SOX21: variants seen among roughly 807,000 people sequenced by gnomAD.
SOX21 encodes the protein SRY-box transcription factor 21, also known as transcription factor SOX-21.
For synonymous variants in SOX21, 237 were observed against 189.7 expected, an observed-to-expected ratio of 1.25 and a Z score of -2.05; for missense variants, 370 against 388.8, an observed-to-expected ratio of 0.95 and a Z score of 0.41.
chr13:94,712,001 C>T lies in SOX21; in HGVS notation c.49G>A (p.Val17Met). 6.2e-7 allele frequency: 1 copy of T among 1,614,004 alleles called. No homozygotes were observed. Among genetic ancestry groups the T allele is most frequent in the Non-Finnish European group, 8.5e-7 (1 of 1,179,948 alleles). Residue 17 changes from valine (V) to methionine (M), a missense_variant, in exon 1 of 1, where the codon GTG becomes ATG. Transcript: ENST00000376945. The surrounding 1 kb of genome is among the most constrained non-coding windows in gnomAD (Gnocchi z 5.0). ...HVKRPMNAFMVWSRAQRRKMA... is the reference protein window; with the variant it reads ...HVKRPMNAFMMWSRAQRRKMA... ...TTGCGCCGCTGAGCCCGCGACCACA[C>T]CATGAAGGCGTTCATGGGCCGCTTG... is the stretch of plus-strand genomic sequence containing the variant.
At position 94,710,541 on chromosome 13, in the gene SOX21, C is replaced by G. The variant is rs1466845944; in HGVS notation, c.*678G>C. 6.6e-6 allele frequency: 1 copy of G among 152,120 alleles called. No individual in the cohort carries two copies. Among genetic ancestry groups the G allele is most frequent in the East Asian group, 1.9e-4 (1 of 5,194 alleles). The allele number at this position is 152,120 out of a possible 1,614,324, so 9.4% of individuals were successfully genotyped here. On this transcript the variant is annotated 3_prime_UTR_variant, in exon 1 of 1. Coordinates refer to ENST00000376945, the MANE Select transcript of SOX21 (RefSeq NM_007084.4). Reference sequence around the variant, plus strand: ...AAATGGCGTGATAAACAAAAGAAACCGTGATCATCTCACACAAAAGGCCAG... The same window carrying G: ...AAATGGCGTGATAAACAAAAGAAACGGTGATCATCTCACACAAAAGGCCAG...
chr13:94,711,117 C>T lies in SOX21; in HGVS notation c.*102G>A, dbSNP rs2138617243. On this transcript the variant is annotated 3_prime_UTR_variant, in exon 1 of 1. Coordinates refer to ENST00000376945, the MANE Select transcript of SOX21 (RefSeq NM_007084.4). ...CTATACATTCTATGTACATACAAAC[C>T]GGGCCCCCGGTCGCGGGAGGGCGCA... The T allele has an allele frequency of 1.8e-6, 2 of 1,126,056 alleles. No individual in the cohort carries two copies. Among genetic ancestry groups the T allele is most frequent in the Non-Finnish European group, 1.1e-6 (1 of 891,162 alleles). 69.8% of individuals were successfully genotyped at this position (1,126,056 alleles called of 1,614,324 possible).
At position 94,712,161 on chromosome 13, in the gene SOX21, C is replaced by G. The variant is rs1227935721; in HGVS notation, c.-112G>C. ...ACCCGCTCGGCCGGCCGGGGCTCGT[C>G]GCGCCCCGGCGTCGCTCCCGCCCCG... On this transcript the variant is annotated 5_prime_UTR_variant, in exon 1 of 1. Coordinates refer to ENST00000376945, the MANE Select transcript of SOX21 (RefSeq NM_007084.4). The surrounding 1 kb of genome is among the most constrained non-coding windows in gnomAD (Gnocchi z 5.0). 5 of 1,402,456 alleles carry G rather than the reference C, an allele frequency of 3.6e-6. No individual in the cohort carries two copies. The highest frequency in any genetic ancestry group is 3.1e-5 in the African/African-American group (2 of 64,580). The allele number at this position is 1,402,456 out of a possible 1,614,324, so 86.9% of individuals were successfully genotyped here.
rs1276013660 is a variant in SOX21 at position 94,711,766 on chromosome 13, G to T, written c.284C>A (p.Pro95Gln). 1.9e-6 allele frequency: 3 copies of T among 1,613,024 alleles called. No homozygotes were observed. The African/African-American group carries it at 4.0e-5, about 22-fold the overall frequency. The change falls in exon 1 of 1, where the codon CCG becomes CAG. Residue 95 changes from proline to glutamine, a missense_variant. Pro to Gln is a moderately conservative substitution (Grantham distance 76). Coordinates refer to ENST00000376945, the MANE Select transcript of SOX21 (RefSeq NM_007084.4). ...TLLKKDKFAF[P>Q]VPYGLGGVAD... ...CACGCCGCCCAGGCCGTAGGGCACC[G>T]GGAAGGCGAACTTGTCCTTCTTGAG...
In SOX21 at chr13:94,711,239, C is replaced by A; in HGVS notation, c.811G>T (p.Ala271Ser). 7.3e-7 allele frequency: 1 copy of A among 1,361,790 alleles called. No individual in the cohort carries two copies. The highest frequency in any genetic ancestry group is 9.4e-7 in the Non-Finnish European group (1 of 1,063,144). 84.4% of individuals were successfully genotyped at this position (1,361,790 alleles called of 1,614,324 possible). A position where few individuals can be genotyped will look rare whatever the true frequency, so the allele number is the denominator to read the frequency against. ...CGGGGTCATAGCGCGGCAGCGTAGG[C>A]CGCGGGGTAGGGGTCCAGCTGGGGC... ...GKPQLDPYPA[A>S]YAAAL The change falls in exon 1 of 1, where the codon GCC (alanine) becomes TCC (serine). Residue 271 changes from alanine to serine, a missense_variant. By Grantham distance (99) the Ala-to-Ser change is moderately conservative (BLOSUM62 1). Transcript: ENST00000376945.
At position 94,710,442 on chromosome 13, in the gene SOX21, T is replaced by C. The variant is rs1875201955; in HGVS notation, c.*777A>G. On this transcript the variant is annotated 3_prime_UTR_variant, in exon 1 of 1. Coordinates refer to ENST00000376945, the MANE Select transcript of SOX21 (RefSeq NM_007084.4). ...TGTTTGTTTAGGAAGAAAATCCAAT[T>C]GACAACTTTCATCTCACAAATATTT... 6.6e-6 allele frequency: 1 copy of C among 152,438 alleles called. No homozygotes were observed. The highest frequency in any genetic ancestry group is 1.5e-5 in the Non-Finnish European group (1 of 68,040). 9.4% of individuals were successfully genotyped at this position (152,438 alleles called of 1,614,324 possible).
rs771437427 is a variant in SOX21 at position 94,711,481 on chromosome 13, G to C, written c.569C>G (p.Pro190Arg). The C allele has an allele frequency of 2.8e-6, 3 of 1,064,700 alleles. No homozygotes were observed. The highest frequency in any genetic ancestry group is 1.7e-5 in the African/African-American group (1 of 58,946). 66.0% of individuals were successfully genotyped at this position (1,064,700 alleles called of 1,614,324 possible). ...AEISSSSSGL[P>R]YASSLGYPTA... ...CGGGTAGCCCAGCGACGACGCGTACGGGAGGCCGGACGAGGACGACGAGAT... is the reference window on the plus strand; with the variant it reads ...CGGGTAGCCCAGCGACGACGCGTACCGGAGGCCGGACGAGGACGACGAGAT... Residue 190 changes from proline to arginine, a missense_variant, in exon 1 of 1, where the codon CCG becomes CGG. By Grantham distance (103) the Pro-to-Arg change is moderately radical. Coordinates refer to ENST00000376945, the MANE Select transcript of SOX21 (RefSeq NM_007084.4).
chr13:94,711,552 CGCGGCG>C lies in SOX21; in HGVS notation c.492_497del (p.Ala165_Ala166del), dbSNP rs760919823. 6.0e-5 allele frequency: 58 copies of C among 961,566 alleles called. No individual in the cohort carries two copies. Among genetic ancestry groups the C allele is most frequent in the Middle Eastern group, 3.6e-4 (1 of 2,748 alleles). The allele number at this position is 961,566 out of a possible 1,614,324, so 59.6% of individuals were successfully genotyped here. On this transcript the variant is annotated inframe_deletion, in exon 1 of 1. Coordinates refer to ENST00000376945, the MANE Select transcript of SOX21 (RefSeq NM_007084.4). ...GGTCGAGCAGCGAGTAGGGGCTGCC[CGCGGCG>C]GCGGCGGCGGCGGCAGCGGCGGCGG... is the stretch of plus-strand genomic sequence containing the variant.
Position 94,711,672 on chromosome 13 carries a change from C to G in SOX21, c.378G>C (p.Val126=). The change falls in exon 1 of 1, where the codon GTG becomes GTC. Residue 126 remains valine, a synonymous_variant. Transcript: ENST00000376945. ...GLHAGAGGGL[V]PESLLANPEK... ...CGGGATTGGCGAGCAGCGACTCAGG[C>G]ACCAGGCCGCCGCCCGCCCCCGCGT... 2 of 1,476,818 alleles carry G rather than the reference C, an allele frequency of 1.4e-6. No individual in the cohort carries two copies. The highest frequency in any genetic ancestry group is 8.9e-7 in the Non-Finnish European group (1 of 1,119,750). 91.5% of individuals were successfully genotyped at this position (1,476,818 alleles called of 1,614,324 possible).
In SOX21 at chr13:94,711,672, C is replaced by A. The variant is rs1017270061; in HGVS notation, c.378G>T (p.Val126=). The A allele has an allele frequency of 1.2e-5, 17 of 1,476,714 alleles. No individual in the cohort carries two copies. In the African/African-American group the frequency reaches 1.3e-4, roughly 12 times the overall value. 91.5% of individuals were successfully genotyped at this position (1,476,714 alleles called of 1,614,324 possible). The change falls in exon 1 of 1, where the codon GTG becomes GTT. Residue 126 remains valine, a synonymous_variant. Coordinates refer to ENST00000376945, the MANE Select transcript of SOX21 (RefSeq NM_007084.4). ...CGGGATTGGCGAGCAGCGACTCAGG[C>A]ACCAGGCCGCCGCCCGCCCCCGCGT... ...GLHAGAGGGL[V]PESLLANPEK...
chr13:94,711,595 T>G lies in SOX21; in HGVS notation c.455A>C (p.Gln152Pro). The G allele has an allele frequency of 8.3e-7, 1 of 1,202,532 alleles. No homozygotes were observed. 74.5% of individuals were successfully genotyped at this position (1,202,532 alleles called of 1,614,324 possible). Reference sequence around the variant, plus strand: ...GGCAGCGGCGGCGGCAGCGGCCGACTGCGGGAAGAAGACGCGTGCGGCGGC... The same window carrying G: ...GGCAGCGGCGGCGGCAGCGGCCGACGGCGGGAAGAAGACGCGTGCGGCGGC... ...AAAAARVFFP[Q>P]SAAAAAAAAA... The change falls in exon 1 of 1, where the codon CAG (glutamine) becomes CCG (proline). Residue 152 changes from glutamine to proline, a missense_variant. Coordinates refer to ENST00000376945, the MANE Select transcript of SOX21 (RefSeq NM_007084.4).
chr13:94,711,068 G>A lies in SOX21; in HGVS notation c.*151C>T, dbSNP rs1017864673. ...GCGCTTGGCCACTCCTGCCCCGCCT[G>A]GCCTCTCTGCCTCTACCTGGCACCT... On this transcript the variant is annotated 3_prime_UTR_variant, in exon 1 of 1. Coordinates refer to ENST00000376945, the MANE Select transcript of SOX21 (RefSeq NM_007084.4). 1 of 780,584 alleles carries A rather than the reference G, an allele frequency of 1.3e-6. No homozygotes were observed. Among genetic ancestry groups the A allele is most frequent in the African/African-American group, 1.8e-5 (1 of 55,128 alleles). The allele number at this position is 780,584 out of a possible 1,614,324, so 48.4% of individuals were successfully genotyped here. A position where few individuals can be genotyped will look rare whatever the true frequency, so the allele number is the denominator to read the frequency against.
chr13:94,711,217 G>C lies in SOX21; in HGVS notation c.*2C>G. 1 of 1,333,936 alleles carries C rather than the reference G, an allele frequency of 7.5e-7. No homozygotes were observed. The highest frequency in any genetic ancestry group is 9.5e-7 in the Non-Finnish European group (1 of 1,048,058). 82.6% of individuals were successfully genotyped at this position (1,333,936 alleles called of 1,614,324 possible). ...CGGTCCTCGCGAGGCGGCCCCGCGG[G>C]GTCATAGCGCGGCAGCGTAGGCCGC... On this transcript the variant is annotated 3_prime_UTR_variant, in exon 1 of 1. Transcript: ENST00000376945.
chr13:94,712,224 C>T lies in SOX21; in HGVS notation c.-175G>A. 1.6e-6 allele frequency: 2 copies of T among 1,252,860 alleles called. No homozygotes were observed. Among genetic ancestry groups the T allele is most frequent in the Non-Finnish European group, 2.0e-6 (2 of 1,003,220 alleles). 77.6% of individuals were successfully genotyped at this position (1,252,860 alleles called of 1,614,324 possible). On this transcript the variant is annotated 5_prime_UTR_variant, in exon 1 of 1. Transcript: ENST00000376945. The surrounding 1 kb of genome is among the most constrained non-coding windows in gnomAD (Gnocchi z 5.0). The stretch of plus-strand genomic sequence containing the variant: ...GGGGGACCAGCCCAGGGCCACGCCG[C>T]GCCCCGGGCCGCCTTAGTGTCTCCG...
At position 94,710,924 on chromosome 13, in the gene SOX21, G is replaced by A; in HGVS notation, c.*295C>T. Reference sequence around the variant, plus strand: ...CGTGGGTCAAAACGCAACAGGTTCCGAAGTGCAAAGCAAACGCCAACTGCT... The same window carrying A: ...CGTGGGTCAAAACGCAACAGGTTCCAAAGTGCAAAGCAAACGCCAACTGCT... On this transcript the variant is annotated 3_prime_UTR_variant, in exon 1 of 1. Coordinates refer to ENST00000376945, the MANE Select transcript of SOX21 (RefSeq NM_007084.4). The A allele has an allele frequency of 3.3e-6, 1 of 304,670 alleles. No individual in the cohort carries two copies. The highest frequency in any genetic ancestry group is 6.0e-6 in the Non-Finnish European group (1 of 165,904). The allele number at this position is 304,670 out of a possible 1,614,324, so 18.9% of individuals were successfully genotyped here. A position where few individuals can be genotyped will look rare whatever the true frequency, so the allele number is the denominator to read the frequency against.
At position 94,709,805 on chromosome 13, in the gene SOX21, T is replaced by C. The variant is rs2138616093; in HGVS notation, c.*1414A>G. The C allele has an allele frequency of 1.3e-5, 2 of 152,736 alleles. 1 individual carries two copies. The allele number at this position is 152,736 out of a possible 1,614,324, so 9.5% of individuals were successfully genotyped here. A position where few individuals can be genotyped will look rare whatever the true frequency, so the allele number is the denominator to read the frequency against. ...ATTTAAAATTTTAAAAACTTTATATTACATAAAGCCAAAATGAAACTAAAT... is the reference window on the plus strand; with the variant it reads ...ATTTAAAATTTTAAAAACTTTATATCACATAAAGCCAAAATGAAACTAAAT... On this transcript the variant is annotated 3_prime_UTR_variant, in exon 1 of 1. Coordinates refer to ENST00000376945, the MANE Select transcript of SOX21 (RefSeq NM_007084.4).
Position 94,711,572 on chromosome 13 carries a change from C to G in SOX21, c.478G>C (p.Ala160Pro). 1 of 1,094,770 alleles carries G rather than the reference C, an allele frequency of 9.1e-7. No homozygotes were observed. Among genetic ancestry groups the G allele is most frequent in the South Asian group, 4.1e-5 (1 of 24,440 alleles). The allele number at this position is 1,094,770 out of a possible 1,614,324, so 67.8% of individuals were successfully genotyped here. Reference protein sequence around the residue: ...FPQSAAAAAAAAAAAAAGSPY... With the variant: ...FPQSAAAAAAPAAAAAAGSPY... The stretch of plus-strand genomic sequence containing the variant: ...CTGCCCGCGGCGGCGGCGGCGGCGG[C>G]AGCGGCGGCGGCAGCGGCCGACTGC... The change falls in exon 1 of 1, where the codon GCC becomes CCC. Residue 160 changes from alanine to proline, a missense_variant. Transcript: ENST00000376945.
chr13:94,712,473 C>T lies in SOX21; in HGVS notation c.-424G>A. The T allele has an allele frequency of 1.0e-6, 1 of 987,296 alleles. No individual in the cohort carries two copies. The highest frequency in any genetic ancestry group is 4.7e-5 in the South Asian group (1 of 21,268). The allele number at this position is 987,296 out of a possible 1,614,324, so 61.2% of individuals were successfully genotyped here. On this transcript the variant is annotated 5_prime_UTR_variant, in exon 1 of 1. Coordinates refer to ENST00000376945, the MANE Select transcript of SOX21 (RefSeq NM_007084.4). This position sits in a 1 kb window ranked among gnomAD's most constrained non-coding sequence, Gnocchi z 5.0. Reference sequence around the variant, plus strand: ...CAAAAGTTGCGTCGCGGAGACTCCTCGAAGTTGAGCCGAGGAGCCCGCCGC... The same window carrying T: ...CAAAAGTTGCGTCGCGGAGACTCCTTGAAGTTGAGCCGAGGAGCCCGCCGC...
At position 94,711,654 on chromosome 13, in the gene SOX21, G is replaced by A; in HGVS notation, c.396C>T (p.Ala132=). 8 of 1,425,516 alleles carry A rather than the reference G, an allele frequency of 5.6e-6. No individual in the cohort carries two copies. Among genetic ancestry groups the A allele is most frequent in the Middle Eastern group, 2.5e-4 (1 of 3,936 alleles). The allele number at this position is 1,425,516 out of a possible 1,614,324, so 88.3% of individuals were successfully genotyped here. The change falls in exon 1 of 1, where the codon GCC becomes GCT. Residue 132 remains alanine, a synonymous_variant. Transcript: ENST00000376945. ...CGGCCGCGGCCGCCTTCTCGGGATT[G>A]GCGAGCAGCGACTCAGGCACCAGGC... ...GGGLVPESLL[A]NPEKAAAAAA... is the part of the protein sequence containing the mutation.
Sources: gnomAD v4.1 joint callset for allele counts on GRCh38, gnomAD v4.1.1 for gene constraint, Gnocchi (gnomAD v3.1) non-coding constraint, MANE v1.5 for transcripts, NCBI Gene and HGNC (gene_info 2026-07-23, HGNC 2026-07-21) for gene names.